Variants in DUSP8 observed in about 807,000 individuals in gnomAD.
The protein encoded by DUSP8 is dual specificity phosphatase 8, also known as dual specificity protein phosphatase 8.
A neutral mutation model predicts 38.7 loss-of-function variants in DUSP8; 15 were observed. The observed-to-expected ratio is 0.39, with a 90% CI of 0.26 to 0.60. The LOEUF (loss-of-function observed/expected upper bound fraction) is 0.60. Among genes scored for constraint, DUSP8 ranks in the 20% least tolerant of loss-of-function variants. The pLI is 0.56. For missense variants in DUSP8, 768 were observed against 915.0 expected (o/e 0.84, Z 2.07); for synonymous variants, 458 against 433.9 (o/e 1.06, Z -0.69).
Position 1,564,623 on chromosome 11 carries a change from G to A in DUSP8, c.232-634C>T, listed in dbSNP as rs563130532. Reference sequence around the variant, plus strand: ...GAGCGGCTTTTGCTCAGACAGCACCGGTGCCCCCGCCCTGCAAGCACACAC... The same window carrying A: ...GAGCGGCTTTTGCTCAGACAGCACCAGTGCCCCCGCCCTGCAAGCACACAC... On this transcript the variant is annotated intron_variant, in intron 2 of 6. Coordinates refer to ENST00000397374, the MANE Select transcript of DUSP8 (RefSeq NM_004420.3). 5.3e-5 allele frequency among the ~76,000 whole-genome samples: 8 copies of A among 152,282 alleles called. No homozygotes were observed. The East Asian group carries it at 5.8e-4, about 11-fold the overall frequency.
At position 1,554,224 on chromosome 11, in the gene DUSP8, G is replaced by A. The variant is rs1286690087; in HGVS notation, c.*2294C>T. On this transcript the variant is annotated 3_prime_UTR_variant, in exon 7 of 7. Coordinates refer to ENST00000397374, the MANE Select transcript of DUSP8 (RefSeq NM_004420.3). ...GGGGACCTGCACCCTCTCCTCCGCT[G>A]GACTTCCCAGCAAATAACAGGAGGG... 6.6e-6 allele frequency: 1 copy of A among 152,396 alleles called. No individual in the cohort carries two copies. The highest frequency in any genetic ancestry group is 2.4e-5 in the African/African-American group (1 of 41,460). 9.4% of individuals were successfully genotyped at this position (152,396 alleles called of 1,614,324 possible). A position where few individuals can be genotyped will look rare whatever the true frequency, so the allele number is the denominator to read the frequency against.
At chr11:1,559,149 G>T in intron 3 of DUSP8, 94 bp from the exon 4 acceptor site, 1 of 1,283,060 alleles carries the variant, frequency 7.8e-7, no homozygotes, top group Non-Finnish European at 1.1e-6. Flanking sequence ...CCCATCTACT[G>T]CTGAGGATCA....
chr11:1,566,072 G>T (rs1340966292), intron 1 of DUSP8, 138 bp from the exon 2 acceptor site: 1 of 541,462 alleles, frequency 1.8e-6, no homozygotes, highest in African/African-American at 1.9e-5. Flanking sequence ...TCTCCCTCTG[G>T]AGAGACCCCG....
rs1260764332 is a variant in DUSP8 at position 1,558,945 on chromosome 11, G to A, written c.481C>T (p.Leu161=). ...TAGAGGTGAGGCAGGATGCGGGTCA[G>A]GCCCACGCTGGGCACAGGCAGGCAG... is the stretch of plus-strand genomic sequence containing the variant. ...QPCLPVPSVG[L]TRILPHLYLG... The change falls in exon 4 of 7, where the codon CTG becomes TTG. Residue 161 remains leucine, a synonymous_variant. Transcript: ENST00000397374. The surrounding 1 kb of genome is among the most constrained non-coding windows in gnomAD (Gnocchi z 6.3). 1.2e-6 allele frequency: 2 copies of A among 1,613,062 alleles called. No individual in the cohort carries two copies. Among genetic ancestry groups the A allele is most frequent in the Non-Finnish European group, 1.7e-6 (2 of 1,179,790 alleles).
Position 1,556,905 on chromosome 11 carries a change from G to A in DUSP8, c.1491C>T (p.Pro497=), listed in dbSNP as rs942016299. ...CGGGGCCGGCCGGCTGGCCAGGGCC[G>A]GGCAGCCCGGGCGCCGACAGGGCCG... The part of the protein sequence containing the change: ...GLSALSAPGL[P]GPGQPAGPGA... The change falls in exon 7 of 7, where the codon CCC becomes CCT. Residue 497 remains proline (P), a synonymous_variant. Coordinates refer to ENST00000397374, the MANE Select transcript of DUSP8 (RefSeq NM_004420.3). This position sits in a 1 kb window ranked among gnomAD's most constrained non-coding sequence, Gnocchi z 5.2. 7 of 1,084,070 alleles carry A rather than the reference G, an allele frequency of 6.5e-6. No homozygotes were observed. Among genetic ancestry groups the A allele is most frequent in the Non-Finnish European group, 7.8e-6 (7 of 895,338 alleles). 67.2% of individuals were successfully genotyped at this position (1,084,070 alleles called of 1,614,324 possible).
chr11:1,556,835 C>G lies in DUSP8; in HGVS notation c.1561G>C (p.Asp521His). The G allele has an allele frequency of 8.7e-7, 1 of 1,149,972 alleles. No individual in the cohort carries two copies. The highest frequency in any genetic ancestry group is 1.1e-6 in the Non-Finnish European group (1 of 935,720). 71.2% of individuals were successfully genotyped at this position (1,149,972 alleles called of 1,614,324 possible). Residue 521 changes from aspartate (D) to histidine (H), a missense_variant, in exon 7 of 7, where the codon GAC becomes CAC. By Grantham distance (81) the Asp-to-His change is moderately conservative (BLOSUM62 -1). Coordinates refer to ENST00000397374, the MANE Select transcript of DUSP8 (RefSeq NM_004420.3). This position sits in a 1 kb window ranked among gnomAD's most constrained non-coding sequence, Gnocchi z 5.2. ...PLDSPGTPSP[D>H]GPWCFSPEGA... ...TCGGGGCTGAAGCACCAGGGCCCGT[C>G]GGGCGACGGCGTGCCTGGGGAGTCG...
intron 3 of DUSP8, among the ~76,000 whole-genome samples, chr11:1,561,591 AG>A (rs1250615385): frequency 6.6e-6 from 1 of 152,210 alleles, no homozygotes; most frequent in Non-Finnish European, 1.5e-5. Context: ...GAGGAGCGGC[AG>A]GGGGAGGTGG....
Position 1,556,789 on chromosome 11 carries a change from C to T in DUSP8, c.1607G>A (p.Gly536Glu), listed in dbSNP as rs796518494. 2.5e-5 allele frequency: 30 copies of T among 1,180,436 alleles called. No individual in the cohort carries two copies. The highest frequency in any genetic ancestry group is 3.1e-5 in the Non-Finnish European group (30 of 955,260). 73.1% of individuals were successfully genotyped at this position (1,180,436 alleles called of 1,614,324 possible). A position where few individuals can be genotyped will look rare whatever the true frequency, so the allele number is the denominator to read the frequency against. The change falls in exon 7 of 7, where the codon GGG becomes GAG. Residue 536 changes from glycine to glutamate, a missense_variant. Physicochemically the swap from Gly to Glu is moderately conservative, Grantham distance 98. Around this residue, in one of 3 missense-constraint regions of DUSP8, gnomAD observed 474 missense variants for 430.8 expected, o/e 1.10. Coordinates refer to ENST00000397374, the MANE Select transcript of DUSP8 (RefSeq NM_004420.3). The surrounding 1 kb of genome is among the most constrained non-coding windows in gnomAD (Gnocchi z 5.2). ...CCGGCCGAAGGGCGCAAACAGCACC[C>T]CGCCCGCCCCCTGTGCGCCCTCGGG... ...FSPEGAQGAG[G>E]VLFAPFGRAG... is the part of the protein sequence containing the mutation.
Position 1,557,009 on chromosome 11 carries a change from AGCCGGCGGGGGGCCGGGGCC to A in DUSP8, c.1367_1386del (p.Arg456LeufsTer103), listed in dbSNP as rs1410596801. The A allele has an allele frequency of 1.4e-5, 14 of 1,020,626 alleles. No individual in the cohort carries two copies. Among genetic ancestry groups the A allele is most frequent in the East Asian group, 9.7e-5 (1 of 10,332 alleles). 63.2% of individuals were successfully genotyped at this position (1,020,626 alleles called of 1,614,324 possible). A position where few individuals can be genotyped will look rare whatever the true frequency, so the allele number is the denominator to read the frequency against. ...CTGTGCGCGGGGGAGCGCGCGGGGG[AGCCGGCGGGGGGCCGGGGCC>A]GCCGGCGGGGCCGTGGGCGCGCCTC... is the stretch of plus-strand genomic sequence containing the variant. On this transcript the variant is annotated frameshift_variant, in exon 7 of 7. Transcript: ENST00000397374. LOFTEE classifies it high-confidence loss of function. This position sits in a 1 kb window ranked among gnomAD's most constrained non-coding sequence, Gnocchi z 9.9.
intron 2 of DUSP8, 129 bp from the exon 3 acceptor site, chr11:1,564,118 C>T: frequency 8.3e-7 from 1 of 1,202,666 alleles, no homozygotes; most frequent in South Asian, 1.9e-5. Flanking sequence ...TGTCACCTTG[C>T]TGCCTGGAGG....
intron 1 of DUSP8, among the ~76,000 whole-genome samples, chr11:1,566,613 T>G (rs1848808670): frequency 6.6e-6 from 1 of 152,046 alleles, no homozygotes; most frequent in Admixed American, 6.5e-5. Flanking sequence ...AGGCTGAGGT[T>G]TAGTGTGCGC....
intron 3 of DUSP8, among the ~76,000 whole-genome samples, chr11:1,560,899 C>T (rs2133437180): frequency 6.6e-6 from 1 of 152,260 alleles, no homozygotes; most frequent in East Asian, 1.9e-4. Context: ...TCCATCAGTA[C>T]CCTCCCACCT....
chr11:1,564,474 C>A (rs1848770833), intron 2 of DUSP8, among the ~76,000 whole-genome samples: 1 of 151,594 alleles, frequency 6.6e-6, no homozygotes, highest in African/African-American at 2.4e-5. Flanking sequence ...CCCTCCCCAA[C>A]CCCCAGCGGA....
chr11:1,569,469 G>A (rs894756844), intron 1 of DUSP8, among the ~76,000 whole-genome samples: 4 of 152,058 alleles, frequency 2.6e-5, no homozygotes, highest in East Asian at 3.9e-4. Context: ...AAGTACCCAC[G>A]CGTGAATATG....
chr11:1,565,830 G>A lies in DUSP8; in HGVS notation c.-4C>T, dbSNP rs1183208809. The A allele has an allele frequency of 6.2e-7, 1 of 1,603,904 alleles. No homozygotes were observed. Among genetic ancestry groups the A allele is most frequent in the Non-Finnish European group, 8.5e-7 (1 of 1,173,980 alleles). On this transcript the variant is annotated 5_prime_UTR_variant, in exon 2 of 7. Coordinates refer to ENST00000397374, the MANE Select transcript of DUSP8 (RefSeq NM_004420.3). The stretch of plus-strand genomic sequence containing the variant: ...TCGGGAGCCGGTCCCCAGCCATGGT[G>A]GGGCAATGGGTGCTGGGGAGGGTGA...
chr11:1,560,832 T>C (rs1323716216), intron 3 of DUSP8, among the ~76,000 whole-genome samples: 4 of 152,172 alleles, frequency 2.6e-5, no homozygotes, highest in African/African-American at 9.7e-5. Flanking sequence ...CCCAGGGATT[T>C]TGTGCCTTAC....
In DUSP8 at chr11:1,557,731, G is replaced by T; in HGVS notation, c.821+63C>A. On this transcript the variant is annotated intron_variant, in intron 6 of 6. Coordinates refer to ENST00000397374, the MANE Select transcript of DUSP8 (RefSeq NM_004420.3). The surrounding 1 kb of genome is among the most constrained non-coding windows in gnomAD (Gnocchi z 9.9). The stretch of plus-strand genomic sequence containing the variant: ...ACGGTGGGGTCATTCTGGTGCAAGT[G>T]GGCAGCCGGGGGAAGGGAAGCGACG... 2.5e-6 allele frequency: 4 copies of T among 1,605,606 alleles called. No individual in the cohort carries two copies. The highest frequency in any genetic ancestry group is 3.4e-6 in the Non-Finnish European group (4 of 1,176,332).
Position 1,565,610 on chromosome 11 carries a change from C to G in DUSP8, c.217G>C (p.Ala73Pro). The G allele has an allele frequency of 6.2e-7, 1 of 1,603,990 alleles. No individual in the cohort carries two copies. The highest frequency in any genetic ancestry group is 8.5e-7 in the Non-Finnish European group (1 of 1,174,156). The change falls in exon 2 of 7, where the codon GCT becomes CCT. Residue 73 changes from alanine to proline, a missense_variant. Around this residue, in one of 3 missense-constraint regions of DUSP8, gnomAD observed 252 missense variants for 410.4 expected, o/e 0.61. Coordinates refer to ENST00000397374, the MANE Select transcript of DUSP8 (RefSeq NM_004420.3). The part of the protein sequence containing the change: ...KVTIAELIQP[A>P]ARSQVEATEP... ...GGGCTGGGTACCTGGCTGCGTGCAG[C>G]CGGCTGGATGAGCTCCGCAATGGTC...
At position 1,571,945 on chromosome 11, in the gene DUSP8, G is replaced by A. The variant is rs1000900210; in HGVS notation, c.-153C>T. 4 of 145,942 alleles carry A rather than the reference G, an allele frequency of 2.7e-5. No homozygotes were observed. The highest frequency in any genetic ancestry group is 6.8e-5 in the Admixed American group (1 of 14,714). 9.0% of individuals were successfully genotyped at this position (145,942 alleles called of 1,614,324 possible). On this transcript the variant is annotated 5_prime_UTR_variant, in exon 1 of 7. Coordinates refer to ENST00000397374, the MANE Select transcript of DUSP8 (RefSeq NM_004420.3). Reference sequence around the variant, plus strand: ...GGGGCGCTCCGGGGACCCGCGCCGCGCTCAGGGCGCCCGCTCGGCCGCGCC... The same window carrying A: ...GGGGCGCTCCGGGGACCCGCGCCGCACTCAGGGCGCCCGCTCGGCCGCGCC...
Sources: gnomAD v4.1 joint callset for allele counts (sites outside exome capture counted in the v4.1 genomes callset) on GRCh38, gnomAD v4.1.1 for gene constraint, gnomAD v4.1.1 regional missense constraint, Gnocchi (gnomAD v3.1) non-coding constraint, MANE v1.5 for transcripts, NCBI Gene and HGNC (gene_info 2026-07-23, HGNC 2026-07-21) for gene names.